The following FRMD5 variants were observed in gnomAD, a reference collection of about 807,000 sequenced individuals.
FRMD5 encodes FERM domain containing 5.
In FRMD5, 20 loss-of-function variants were observed where a neutral mutation model predicts 69.0. The observed-to-expected ratio is 0.29, with a 90% CI of 0.20 to 0.42. The LOEUF is 0.42. FRMD5 is among the 10% of genes least tolerant of loss of function. The pLI is 1.00. For synonymous variants in FRMD5, 271 were observed against 260.1 expected (o/e 1.04, Z -0.40); for missense variants, 595 against 708.6 (o/e 0.84, Z 1.82).
intron 10 of FRMD5, among the ~76,000 whole-genome samples, chr15:43,887,439 GA>G (rs1386419989): frequency 6.6e-6 from 1 of 152,244 alleles, no homozygotes; most frequent in Non-Finnish European, 1.5e-5. Context: ...GAACAGGAGG[GA>G]AGTGTGACCA....
In FRMD5 at chr15:43,883,698, C is replaced by T. The variant is rs996612216; in HGVS notation, c.1135+5G>A. The T allele has an allele frequency of 6.2e-7, 1 of 1,600,006 alleles. No individual in the cohort carries two copies. Among genetic ancestry groups the T allele is most frequent in the Admixed American group, 1.7e-5 (1 of 57,868 alleles). On this transcript the variant is annotated splice_donor_5th_base_variant and intron_variant, in intron 13 of 13. Transcript: ENST00000417257. ...CAGTGGTCACCTCAAGAAGCTCATG[C>T]TCACCTTCCATGATGGAGATGTGAA...
intron 1 of FRMD5, among the ~76,000 whole-genome samples, chr15:44,038,146 T>A (rs569905265): frequency 6.6e-6 from 1 of 152,076 alleles, no homozygotes; most frequent in South Asian, 2.1e-4. Context: ...TTGATGGGGT[T>A]TTTTTTATTG....
intron 1 of FRMD5, among the ~76,000 whole-genome samples, chr15:44,193,393 A>G (rs548744926): frequency 6.6e-6 from 1 of 152,238 alleles, no homozygotes; most frequent in African/African-American, 2.4e-5. Context: ...CAAATGGTGA[A>G]GATATCAACT....
At chr15:44,132,620 G>A (rs756783981) in intron 1 of FRMD5, among the ~76,000 whole-genome samples, 12 of 151,964 alleles carry the variant, frequency 7.9e-5, no homozygotes, top group Admixed American at 3.3e-4. Context: ...GTAGAGACAG[G>A]GTTTTGCTAC....
chr15:43,921,244 TGAG>T lies in FRMD5; in HGVS notation c.208-1438_208-1436del, dbSNP rs1333535758. 5.3e-5 allele frequency among the ~76,000 whole-genome samples: 8 copies of T among 152,036 alleles called. No homozygotes were observed. In the East Asian group the frequency reaches 7.7e-4, roughly 15 times the overall value. On this transcript the variant is annotated intron_variant, in intron 2 of 13. Transcript: ENST00000417257. ...CAGAGCACACTGGAATTGTGGACAGTGAGGAGAACATAGCCAGTGCCAGGGATT... is the reference window on the plus strand; with the variant it reads ...CAGAGCACACTGGAATTGTGGACAGTGAGAACATAGCCAGTGCCAGGGATT...
At chr15:43,973,663 T>C (rs2090421922) in intron 1 of FRMD5, among the ~76,000 whole-genome samples, 1 of 152,096 alleles carries the variant, frequency 6.6e-6, no homozygotes, top group South Asian at 2.1e-4. Context: ...CCACTGCTCC[T>C]GGTCACTAAT....
intron 11 of FRMD5, 110 bp downstream of exon 11, chr15:43,885,571 C>T: frequency 1.1e-6 from 1 of 902,948 alleles, no homozygotes; most frequent in Non-Finnish European, 1.8e-6. Context: ...AGACCTCAGA[C>T]TTTTCTGAGT....
intron 1 of FRMD5, among the ~76,000 whole-genome samples, chr15:44,104,136 G>A (rs1432939361): frequency 1.3e-5 from 2 of 152,164 alleles, no homozygotes; most frequent in Non-Finnish European, 1.5e-5. Context: ...CTGACCTTGT[G>A]TACGCCCAGG....
intron 1 of FRMD5, among the ~76,000 whole-genome samples, chr15:44,013,537 T>C (rs546989671): frequency 3.9e-5 from 6 of 152,340 alleles, no homozygotes; most frequent in East Asian, 1.9e-4. Context: ...GAACAAATGA[T>C]TGAATGAGTC....
intron 6 of FRMD5, among the ~76,000 whole-genome samples, chr15:43,905,044 G>A (rs1156918758): frequency 2.6e-5 from 4 of 151,636 alleles, no homozygotes; most frequent in Non-Finnish European, 4.4e-5. Flanking sequence ...TCAGCCCTGC[G>A]CACTCCATCC....
intron 1 of FRMD5, among the ~76,000 whole-genome samples, chr15:43,940,225 C>T (rs2089838856): frequency 6.6e-6 from 1 of 152,276 alleles, no homozygotes; most frequent in East Asian, 1.9e-4. Context: ...AAGTGCGTGG[C>T]ATCAGACTGT....
chr15:43,884,716 T>G lies in FRMD5; in HGVS notation c.1028+11A>C, dbSNP rs190093187. 5 of 1,613,048 alleles carry G rather than the reference T, an allele frequency of 3.1e-6. No homozygotes were observed. Among genetic ancestry groups the G allele is most frequent in the Non-Finnish European group, 4.2e-6 (5 of 1,179,006 alleles). ...CTACAACTGTTTGGGGGGAAGCCCC[T>G]GGCAGCCTACCTGTGTATTTCCGGT... On this transcript the variant is annotated intron_variant, in intron 12 of 13. Transcript: ENST00000417257.
intron 1 of FRMD5, among the ~76,000 whole-genome samples, chr15:44,160,292 G>A (rs1325243566): frequency 6.6e-6 from 1 of 152,224 alleles, no homozygotes; most frequent in African/African-American, 2.4e-5. Context: ...GGAAGCAGAG[G>A]TTGCAGTGAG....
intron 1 of FRMD5, among the ~76,000 whole-genome samples, chr15:43,996,275 TGGA>T (rs1889920306): frequency 6.6e-6 from 1 of 152,074 alleles, no homozygotes; most frequent in Admixed American, 6.5e-5. Flanking sequence ...GGTACAGGCC[TGGA>T]GTCAGGGACC....
At chr15:43,925,003 CTTTTT>C (rs58833260) in intron 1 of FRMD5, among the ~76,000 whole-genome samples, 2 of 129,032 alleles carry the variant, frequency 1.6e-5, no homozygotes. Context: ...CTTGTATATC[CTTTTT>C]TTTTTTTTTT....
chr15:43,956,864 C>G (rs1339308673), intron 1 of FRMD5, among the ~76,000 whole-genome samples: 1 of 152,162 alleles, frequency 6.6e-6, no homozygotes, highest in Non-Finnish European at 1.5e-5. Context: ...AATGATTGGG[C>G]CTTTTCTCTT....
At chr15:44,123,934 G>C (rs1048917682) in intron 1 of FRMD5, among the ~76,000 whole-genome samples, 10 of 151,996 alleles carry the variant, frequency 6.6e-5, no homozygotes, top group Admixed American at 5.2e-4. Flanking sequence ...AACTCTTCTT[G>C]AAAAAAACCA....
chr15:44,028,790 C>A (rs980160880), intron 1 of FRMD5, among the ~76,000 whole-genome samples: 2 of 152,132 alleles, frequency 1.3e-5, no homozygotes, highest in African/African-American at 4.8e-5. Context: ...AGGGACCTTG[C>A]CCCTGAGACC....
At chr15:44,117,104 TA>T (rs577483761) in intron 1 of FRMD5, among the ~76,000 whole-genome samples, 2,676 of 135,616 alleles carry the variant, frequency 0.02, 53 homozygotes, top group African/African-American at 0.058. Context: ...GACTCCGTCT[TA>T]AAAAAAAAAA....
Sources: gnomAD v4.1 joint callset for allele counts (sites outside exome capture counted in the v4.1 genomes callset) on GRCh38, gnomAD v4.1.1 for gene constraint, MANE v1.5 for transcripts, NCBI Gene and HGNC (gene_info 2026-07-23, HGNC 2026-07-21) for gene names.